Variants in CCM2 observed in about 807,000 individuals in gnomAD.
The protein encoded by CCM2 is CCM2 scaffold protein.
Under a neutral mutation model 44.9 loss-of-function variants are expected in CCM2, and 25 were observed. The ratio of observed to expected loss-of-function variants is 0.56; its 90% CI spans 0.41 to 0.78. The LOEUF (loss-of-function observed/expected upper bound fraction) is 0.78, where lower values mean the gene tolerates loss of function less well. CCM2 is among the 30% of genes least tolerant of loss of function. The pLI is 0.00. For missense variants in CCM2, 481 were observed against 580.6 expected (o/e 0.83, Z 1.76); for synonymous variants, 219 against 241.1 (o/e 0.91, Z 0.85).
Position 45,073,582 on chromosome 7 carries a change from G to C in CCM2, c.915+11G>C. 1 of 1,588,668 alleles carries C rather than the reference G, an allele frequency of 6.3e-7. No homozygotes were observed. Among genetic ancestry groups the C allele is most frequent in the East Asian group, 2.2e-5 (1 of 44,626 alleles). On this transcript the variant is annotated intron_variant, in intron 8 of 9. Transcript: ENST00000258781. ...GACTACATGCTGACGGTAGGCCTCCGCTGCAGGGACGCTGGGCTGCATGAG... is the reference window on the plus strand; with the variant it reads ...GACTACATGCTGACGGTAGGCCTCCCCTGCAGGGACGCTGGGCTGCATGAG...
At chr7:45,069,483 C>A (rs995012727) in intron 5 of CCM2, among the ~76,000 whole-genome samples, 6 of 152,218 alleles carry the variant, frequency 3.9e-5, no homozygotes. Flanking sequence ...TCTCCTCTCA[C>A]CTCTTTCCTG....
chr7:45,039,991 C>T (rs1010319295), intron 2 of CCM2, among the ~76,000 whole-genome samples: 3 of 151,906 alleles, frequency 2.0e-5, no homozygotes, highest in Non-Finnish European at 4.4e-5. Context: ...CACACCACTG[C>T]ACTCCAGCTT....
intron 2 of CCM2, among the ~76,000 whole-genome samples, chr7:45,055,627 G>T (rs1326215984): frequency 1.3e-5 from 2 of 152,220 alleles, no homozygotes; most frequent in Non-Finnish European, 2.9e-5. Flanking sequence ...GGCAGAGGTT[G>T]CAGTGAGCTG....
chr7:45,075,669 TGCACCAGG>T, intron 9 of CCM2, 100 bp from the exon 10 acceptor site: 2 of 1,388,240 alleles, frequency 1.4e-6, no homozygotes, highest in Non-Finnish European at 2.0e-6. Flanking sequence ...CCCAAGGCCA[TGCACCAGG>T]GGCAGCTGTG....
chr7:45,062,826 C>CAAA (rs11326276), intron 2 of CCM2, among the ~76,000 whole-genome samples: 9 of 138,298 alleles, frequency 6.5e-5, no homozygotes, highest in African/African-American at 1.9e-4. Flanking sequence ...GACCCTGTCT[C>CAAA]AAAAAAAAAA....
intron 1 of CCM2, among the ~76,000 whole-genome samples, chr7:45,034,679 C>T (rs913051742): frequency 2.0e-5 from 3 of 150,024 alleles, no homozygotes; most frequent in Non-Finnish European, 4.4e-5. Flanking sequence ...CCACCACACC[C>T]AGCTAATTTT....
At chr7:45,055,143 G>A (rs1263453873) in intron 2 of CCM2, among the ~76,000 whole-genome samples, 1 of 152,184 alleles carries the variant, frequency 6.6e-6, no homozygotes, top group Non-Finnish European at 1.5e-5. Flanking sequence ...GCAAGATAAT[G>A]ATGGTGATGT....
intron 9 of CCM2, among the ~76,000 whole-genome samples, chr7:45,075,429 C>T (rs1296754156): frequency 6.6e-6 from 1 of 152,244 alleles, no homozygotes; most frequent in Non-Finnish European, 1.5e-5. Context: ...TCAGCTTTCC[C>T]CACTGTAAAA....
At chr7:45,003,161 C>T (rs374949765) in intron 1 of CCM2, among the ~76,000 whole-genome samples, 8 of 152,194 alleles carry the variant, frequency 5.3e-5, no homozygotes, top group Non-Finnish European at 8.8e-5. Context: ...CTGCAACCTC[C>T]GCCTCCCGGG....
At chr7:45,006,138 C>T (rs1026870083) in intron 1 of CCM2, among the ~76,000 whole-genome samples, 1 of 151,940 alleles carries the variant, frequency 6.6e-6, no homozygotes, top group African/African-American at 2.4e-5. Context: ...TTTATGAAAA[C>T]TTCAAAAGCA....
rs1325794421 is a variant in CCM2 at position 45,072,631 on chromosome 7, C to T, written c.746-95C>T. ...CAGGGTCCCTGAAGACCAGGGCTGC[C>T]GCTGTCTCCTGTAAATACAGCAGTG... On this transcript the variant is annotated intron_variant, in intron 6 of 9. Coordinates refer to ENST00000258781, the MANE Select transcript of CCM2 (RefSeq NM_031443.4). The T allele has an allele frequency of 1.9e-5, 18 of 940,856 alleles. No individual in the cohort carries two copies. In the East Asian group the frequency reaches 2.7e-4, roughly 14 times the overall value. 58.3% of individuals were successfully genotyped at this position (940,856 alleles called of 1,614,324 possible).
At chr7:45,046,392 A>T (rs1004412480) in intron 2 of CCM2, among the ~76,000 whole-genome samples, 6 of 152,254 alleles carry the variant, frequency 3.9e-5, no homozygotes, top group African/African-American at 1.4e-4. Flanking sequence ...GTATCTGCAG[A>T]GGGACTGACA....
intron 9 of CCM2, among the ~76,000 whole-genome samples, chr7:45,074,829 A>G (rs1208564791): frequency 6.6e-6 from 1 of 152,210 alleles, no homozygotes; most frequent in Non-Finnish European, 1.5e-5. Context: ...CAAGACCCCT[A>G]AAATGCTCGG....
chr7:45,073,460 C>CT lies in CCM2; in HGVS notation c.805dup (p.Cys269LeufsTer4), dbSNP rs769759144. The CT allele has an allele frequency of 1.9e-6, 3 of 1,612,492 alleles. No homozygotes were observed. The highest frequency in any genetic ancestry group is 1.7e-6 in the Non-Finnish European group (2 of 1,178,978). On this transcript the variant is annotated frameshift_variant and splice_region_variant, in exon 8 of 10. Coordinates refer to ENST00000258781, the MANE Select transcript of CCM2 (RefSeq NM_031443.4). LOFTEE classifies it high-confidence loss of function. ...GCTCACATACCACATTCTTTCGCAG[C>CT]TGCTTCCCTGAATCTGTGGATGTGG... is the stretch of plus-strand genomic sequence containing the variant.
intron 1 of CCM2, among the ~76,000 whole-genome samples, chr7:45,006,848 C>G (rs1223061585): frequency 6.6e-6 from 1 of 152,204 alleles, no homozygotes; most frequent in Non-Finnish European, 1.5e-5. Flanking sequence ...TGATCTTGGA[C>G]TTTCAGCATC....
intron 2 of CCM2, among the ~76,000 whole-genome samples, chr7:45,042,247 CAG>C (rs941655287): frequency 9.5e-5 from 9 of 94,276 alleles, no homozygotes; most frequent in African/African-American, 4.0e-4. Context: ...GCCTGGGTAA[CAG>C]AGCGAGATTC....
intron 1 of CCM2, among the ~76,000 whole-genome samples, chr7:45,015,705 C>T (rs1796237654): frequency 6.6e-6 from 1 of 152,130 alleles, no homozygotes; most frequent in Non-Finnish European, 1.5e-5. Flanking sequence ...AGAGGTGGCC[C>T]AGGACGTCCT....
Position 45,044,165 on chromosome 7 carries a change from G to A in CCM2, c.204+5739G>A, listed in dbSNP as rs557383568. ...TTGTTTCGTTTTGGGATGGAGTCTC[G>A]CTCTGTCGCCCAGGCTGGAGTGCAG... On this transcript the variant is annotated intron_variant, in intron 2 of 9. Transcript: ENST00000258781. Among the ~76,000 whole-genome samples, 24 of 152,146 alleles carry A rather than the reference G, an allele frequency of 1.6e-4. 1 individual carries two copies. Among genetic ancestry groups the A allele is most frequent in the Middle Eastern group, 6.8e-3 (2 of 294 alleles).
At chr7:45,029,956 G>T (rs2119055) in intron 1 of CCM2, among the ~76,000 whole-genome samples, 1 of 152,230 alleles carries the variant, frequency 6.6e-6, no homozygotes, top group Non-Finnish European at 1.5e-5. Context: ...AGTGAGTTTA[G>T]AAAGTTCTGT....
Sources: gnomAD v4.1 joint callset for allele counts (sites outside exome capture counted in the v4.1 genomes callset) on GRCh38, gnomAD v4.1.1 for gene constraint, MANE v1.5 for transcripts, NCBI Gene and HGNC (gene_info 2026-07-23, HGNC 2026-07-21) for gene names.